LAMC3: variants seen among roughly 807,000 people sequenced by gnomAD.
The protein encoded by LAMC3 is laminin subunit gamma-3.
Under a neutral mutation model 173.8 loss-of-function variants are expected in LAMC3, and 128 were observed. The ratio of observed to expected loss-of-function variants is 0.74; its 90% CI spans 0.64 to 0.85. The LOEUF is 0.85. Ranked by LOEUF, LAMC3 falls within the 40% of genes least tolerant of loss-of-function variation. The pLI is 0.00. For missense variants in LAMC3, 2,022 were observed against 2,156.0 expected, an observed-to-expected ratio of 0.94 and a Z score of 1.23; for synonymous variants, 897 against 909.1, an observed-to-expected ratio of 0.99 and a Z score of 0.24.
At position 131,045,231 on chromosome 9, in the gene LAMC3, A is replaced by ACAAC. The variant is rs61161785; in HGVS notation, c.1383-293_1383-292insCAAC. Among the ~76,000 whole-genome samples, 26,063 of 117,816 alleles carry ACAAC rather than the reference A, an allele frequency of 0.22. 2,903 individuals carry two copies. The highest frequency in any genetic ancestry group is 0.28 in the Admixed American group (3,590 of 12,894). 77.3% of individuals were successfully genotyped at this position (117,816 alleles called of 152,430 possible). A position where few individuals can be genotyped will look rare whatever the true frequency, so the allele number is the denominator to read the frequency against. ...AACAAGACTCTGTCTCAAAAAAAAA[A>ACAAC]AAAAACAACAACAACAAAAAAACAA... On this transcript the variant is annotated intron_variant, in intron 7 of 27. Coordinates refer to ENST00000361069, the MANE Select transcript of LAMC3 (RefSeq NM_006059.4).
intron 25 of LAMC3, 151 bp downstream of exon 25, chr9:131,085,874 G>A: frequency 1.3e-6 from 1 of 751,316 alleles, no homozygotes; most frequent in Non-Finnish European, 2.4e-6. Flanking sequence ...TCACGGGGGT[G>A]AGTCTGTGGG....
chr9:131,068,923 A>G lies in LAMC3; in HGVS notation c.2763A>G (p.Pro921=). 6.2e-7 allele frequency: 1 copy of G among 1,614,022 alleles called. No individual in the cohort carries two copies. Among genetic ancestry groups the G allele is most frequent in the Non-Finnish European group, 8.5e-7 (1 of 1,179,996 alleles). The change falls in exon 16 of 28, where the codon CCA becomes CCG. Residue 921 remains proline, a synonymous_variant. Coordinates refer to ENST00000361069, the MANE Select transcript of LAMC3 (RefSeq NM_006059.4). ...CTGATCACAGCTGCAAGTGTCACCC[A>G]CTGGGCTCCCAGGAGGACCAGTGCC... ...GRGCRSCKCH[P]LGSQEDQCHP...
At chr9:131,071,049 C>A (rs1490140244) in intron 17 of LAMC3, among the ~76,000 whole-genome samples, 1 of 152,032 alleles carries the variant, frequency 6.6e-6, no homozygotes, top group Non-Finnish European at 1.5e-5. Context: ...GAGACTGGCT[C>A]CTAGGAAGTG....
chr9:131,042,367 A>G (rs1834071957), intron 7 of LAMC3, among the ~76,000 whole-genome samples: 1 of 152,020 alleles, frequency 6.6e-6, no homozygotes, highest in African/African-American at 2.4e-5. Flanking sequence ...CCCACAGCAG[A>G]CATCACTAAT....
intron 13 of LAMC3, among the ~76,000 whole-genome samples, chr9:131,063,305 G>A (rs1417390967): frequency 6.6e-6 from 1 of 152,172 alleles, no homozygotes; most frequent in Admixed American, 6.5e-5. Context: ...TCTAGCTCCC[G>A]ACTGTGGCTC....
intron 2 of LAMC3, among the ~76,000 whole-genome samples, chr9:131,030,306 C>T (rs762598378): frequency 2.0e-4 from 31 of 152,240 alleles, no homozygotes; most frequent in Admixed American, 1.6e-3. Context: ...TCTCTCCCAG[C>T]ATCCATCCTA....
At chr9:131,028,775 A>G (rs73658910) in intron 2 of LAMC3, among the ~76,000 whole-genome samples, 10,574 of 152,292 alleles carry the variant, frequency 0.069, 1,138 homozygotes, top group African/African-American at 0.24. Flanking sequence ...CCAGAGCCAC[A>G]TGTGACAGTG....
At chr9:131,013,807 G>T (rs1379234106) in intron 1 of LAMC3, among the ~76,000 whole-genome samples, 1 of 152,080 alleles carries the variant, frequency 6.6e-6, no homozygotes, top group Non-Finnish European at 1.5e-5. Flanking sequence ...ACAGCGAGGA[G>T]CCGGGTCCCA....
intron 11 of LAMC3, among the ~76,000 whole-genome samples, chr9:131,053,921 G>A (rs1311026909): frequency 6.6e-6 from 1 of 151,822 alleles, no homozygotes; most frequent in African/African-American, 2.4e-5. Context: ...AAGACTGGAG[G>A]ATCGCTTGAG....
chr9:131,081,516 G>A (rs1830241844), intron 23 of LAMC3, among the ~76,000 whole-genome samples: 1 of 132,052 alleles, frequency 7.6e-6, no homozygotes, highest in Non-Finnish European at 1.6e-5. Context: ...TGCCACCCAG[G>A]CTGGAGTGCA....
At position 131,091,880 on chromosome 9, in the gene LAMC3, T is replaced by G; in HGVS notation, c.*93T>G. 108 of 1,469,882 alleles carry G rather than the reference T, an allele frequency of 7.3e-5. No individual in the cohort carries two copies. The highest frequency in any genetic ancestry group is 8.9e-5 in the Non-Finnish European group (96 of 1,079,408). The allele number at this position is 1,469,882 out of a possible 1,614,324, so 91.1% of individuals were successfully genotyped here. ...CCCCACAGGTGTGCCCATACAGACA[T>G]TCCCCGGAGCCGGCTGCTGTGAACT... is the stretch of plus-strand genomic sequence containing the variant. On this transcript the variant is annotated 3_prime_UTR_variant, in exon 28 of 28. Transcript: ENST00000361069.
chr9:131,041,235 T>C (rs1834049057), intron 6 of LAMC3, among the ~76,000 whole-genome samples: 1 of 152,048 alleles, frequency 6.6e-6, no homozygotes, highest in Non-Finnish European at 1.5e-5. Context: ...GACATGGTGA[T>C]GCATGCCTGT....
At position 131,029,311 on chromosome 9, in the gene LAMC3, A is replaced by G. The variant is rs190629848; in HGVS notation, c.678+2722A>G. Among the ~76,000 whole-genome samples the G allele has an allele frequency of 1.9e-3, 295 of 152,332 alleles. 1 individual carries two copies. The highest frequency in any genetic ancestry group is 6.8e-3 in the African/African-American group (284 of 41,578). ...GTCACCATGATTTTATTTAAAAATTACAATTTCTTCTCCACGGGGCTCCAA... is the reference window on the plus strand; with the variant it reads ...GTCACCATGATTTTATTTAAAAATTGCAATTTCTTCTCCACGGGGCTCCAA... On this transcript the variant is annotated intron_variant, in intron 2 of 27. Transcript: ENST00000361069. This position sits in a 1 kb window ranked among gnomAD's most constrained non-coding sequence, Gnocchi z 4.6.
intron 3 of LAMC3, 145 bp from the exon 4 acceptor site, chr9:131,036,021 A>G: frequency 1.2e-6 from 1 of 832,114 alleles, no homozygotes; most frequent in South Asian, 1.4e-5. Context: ...TGCTGCCCCC[A>G]GGGCACATAG....
intron 14 of LAMC3, 56 bp downstream of exon 14, chr9:131,067,261 C>T: frequency 6.2e-7 from 1 of 1,606,002 alleles, no homozygotes; most frequent in South Asian, 1.1e-5. Context: ...TTCTCTTCTG[C>T]CCTGGCTCAG....
At chr9:131,048,687 A>G (rs1834223539) in intron 8 of LAMC3, among the ~76,000 whole-genome samples, 1 of 152,122 alleles carries the variant, frequency 6.6e-6, no homozygotes. Flanking sequence ...GACATGGGCC[A>G]CTGGAAGGAC....
chr9:131,044,207 C>T (rs554950488), intron 7 of LAMC3, among the ~76,000 whole-genome samples: 3 of 151,722 alleles, frequency 2.0e-5, no homozygotes, highest in South Asian at 2.1e-4. Flanking sequence ...CCACCCACCT[C>T]GGCCTCCCAA....
intron 1 of LAMC3, among the ~76,000 whole-genome samples, chr9:131,016,134 A>G (rs754397437): frequency 6.6e-6 from 1 of 152,202 alleles, no homozygotes; most frequent in Non-Finnish European, 1.5e-5. Flanking sequence ...ATGCTAAGGG[A>G]AAGAAGCCAG....
At chr9:131,018,956 T>C (rs1352146104) in intron 1 of LAMC3, among the ~76,000 whole-genome samples, 1 of 152,224 alleles carries the variant, frequency 6.6e-6, no homozygotes, top group Non-Finnish European at 1.5e-5. Flanking sequence ...TACTTTGTCC[T>C]GTTCTATAAA....
Sources: gnomAD v4.1 joint callset for allele counts (sites outside exome capture counted in the v4.1 genomes callset) on GRCh38, gnomAD v4.1.1 for gene constraint, Gnocchi (gnomAD v3.1) non-coding constraint, MANE v1.5 for transcripts, NCBI Gene and HGNC (gene_info 2026-07-23, HGNC 2026-07-21) for gene names.